Variants in AHI1 observed in about 807,000 individuals in gnomAD.
The protein encoded by AHI1 is Abelson helper integration site 1.
A neutral mutation model predicts 149.3 loss-of-function variants in AHI1; 123 were observed. That is an observed-to-expected ratio of 0.82 (90% confidence interval 0.71 to 0.96). AHI1 has a LOEUF of 0.96. AHI1 is among the 40% of genes least tolerant of loss of function. The pLI is 0.00. For synonymous variants in AHI1, 475 were observed against 459.8 expected, an observed-to-expected ratio of 1.03 and a Z score of -0.42; for missense variants, 1,439 against 1,422.7, an observed-to-expected ratio of 1.01 and a Z score of -0.18.
intron 23 of AHI1, among the ~76,000 whole-genome samples, chr6:135,393,681 T>C (rs1348867913): frequency 6.6e-6 from 1 of 152,126 alleles, no homozygotes; most frequent in Non-Finnish European, 1.5e-5. Flanking sequence ...TGACTTGAAA[T>C]TAGATTTCAA....
intron 23 of AHI1, among the ~76,000 whole-genome samples, chr6:135,389,672 TCA>T (rs949087275): frequency 5.3e-5 from 8 of 152,242 alleles, no homozygotes; most frequent in African/African-American, 1.7e-4. Context: ...ATAAAATGAT[TCA>T]TTTTCTTTTG....
intron 24 of AHI1, among the ~76,000 whole-genome samples, chr6:135,327,601 C>T (rs1418332485): frequency 1.3e-5 from 2 of 152,094 alleles, no homozygotes; most frequent in African/African-American, 4.8e-5. Flanking sequence ...GTATGTTAGG[C>T]CTTAGGGGCA....
At chr6:135,325,121 G>C (rs538715547) in intron 24 of AHI1, among the ~76,000 whole-genome samples, 1 of 152,104 alleles carries the variant, frequency 6.6e-6, no homozygotes, top group South Asian at 2.1e-4. Context: ...CCGCCACCCG[G>C]GTTCAAGCGA....
chr6:135,394,842 T>C lies in AHI1; in HGVS notation c.3043A>G (p.Lys1015Glu). The C allele has an allele frequency of 6.2e-7, 1 of 1,606,844 alleles. No individual in the cohort carries two copies. The highest frequency in any genetic ancestry group is 8.5e-7 in the Non-Finnish European group (1 of 1,176,140). Residue 1015 changes from lysine to glutamate, a missense_variant, in exon 23 of 29, where the codon AAG becomes GAG. Physicochemically the swap from Lys to Glu is moderately conservative, Grantham distance 56. Transcript: ENST00000265602. ...GTCAGCATGTTTGACTGCTTTAACT[T>C]AGACTGTTGTGAGGAAACTGCTGGT... Reference protein sequence around the residue: ...SPPAVSSQQSKLKQSNMLTAQ... With the variant: ...SPPAVSSQQSELKQSNMLTAQ...
chr6:135,389,053 G>A (rs1318148354), intron 23 of AHI1, among the ~76,000 whole-genome samples: 2 of 151,720 alleles, frequency 1.3e-5, no homozygotes, highest in African/African-American at 2.4e-5. Context: ...GCTCATACCT[G>A]TAATCCCAGC....
At chr6:135,292,386 T>G (rs1381784769) in intron 27 of AHI1, among the ~76,000 whole-genome samples, 1 of 152,192 alleles carries the variant, frequency 6.6e-6, no homozygotes, top group Non-Finnish European at 1.5e-5. Flanking sequence ...ATACAATCTA[T>G]CAAAAGGCTA....
intron 23 of AHI1, among the ~76,000 whole-genome samples, chr6:135,366,100 C>A (rs571172350): frequency 6.6e-6 from 1 of 152,272 alleles, no homozygotes; most frequent in Non-Finnish European, 1.5e-5. Context: ...AGTTGTGTAT[C>A]ACACTTATTG....
rs995207087 is a variant in AHI1 at position 135,394,806 on chromosome 6, T to A, written c.3079A>T (p.Ile1027Phe). 1 of 1,609,894 alleles carries A rather than the reference T, an allele frequency of 6.2e-7. No individual in the cohort carries two copies. Among genetic ancestry groups the A allele is most frequent in the Non-Finnish European group, 8.5e-7 (1 of 1,177,834 alleles). Residue 1027 changes from isoleucine to phenylalanine, a missense_variant, in exon 23 of 29, where the codon ATT (isoleucine) becomes TTT (phenylalanine). By Grantham distance (21) the Ile-to-Phe change is conservative. Transcript: ENST00000265602. ...TGAGTGAAACCAAACTGATGTAGAA[T>A]CTCTTGAGCGGTCAGCATGTTTGAC... ...KQSNMLTAQEILHQFGFTQTG... is the reference protein window; with the variant it reads ...KQSNMLTAQEFLHQFGFTQTG...
chr6:135,319,410 G>T (rs1307425021), intron 25 of AHI1, among the ~76,000 whole-genome samples: 6 of 152,302 alleles, frequency 3.9e-5, no homozygotes, highest in African/African-American at 1.4e-4. Flanking sequence ...GAGAGGTGGA[G>T]GTTGCAGTGA....
At chr6:135,388,035 T>G in intron 23 of AHI1, 1 of 1,613,786 alleles carries the variant, frequency 6.2e-7, no homozygotes, top group Non-Finnish European at 8.5e-7. Context: ...AGTGACTGTC[T>G]GGAAAACAAA....
chr6:135,315,901 C>T (rs564654912), intron 26 of AHI1, among the ~76,000 whole-genome samples: 272 of 152,282 alleles, frequency 1.8e-3, no homozygotes, highest in Admixed American at 4.2e-3. Context: ...TCCACACTTA[C>T]CTGTTTAGAG....
intron 27 of AHI1, among the ~76,000 whole-genome samples, chr6:135,299,915 CAAAT>C (rs553531557): frequency 1.2e-4 from 19 of 152,176 alleles, no homozygotes; most frequent in Admixed American, 7.9e-4. Context: ...AAATAGTACT[CAAAT>C]AAAAATAAAT....
intron 24 of AHI1, among the ~76,000 whole-genome samples, chr6:135,354,429 G>A (rs1792640955): frequency 1.3e-5 from 2 of 152,098 alleles, no homozygotes; most frequent in African/African-American, 4.8e-5. Context: ...CAGAAAATAT[G>A]AAAAGCTATG....
chr6:135,343,819 T>C (rs1214504015), intron 24 of AHI1, among the ~76,000 whole-genome samples: 2 of 151,432 alleles, frequency 1.3e-5, no homozygotes, highest in Non-Finnish European at 3.0e-5. Context: ...AATCTGAGAG[T>C]CAATCTTCAG....
intron 23 of AHI1, among the ~76,000 whole-genome samples, chr6:135,386,126 C>T (rs974502043): frequency 9.2e-5 from 14 of 152,064 alleles, no homozygotes; most frequent in African/African-American, 3.1e-4. Flanking sequence ...AAGCTGAATA[C>T]AACAAGTGGT....
At chr6:135,388,152 ACCT>A in intron 23 of AHI1, 15 of 1,125,044 alleles carry the variant, frequency 1.3e-5, no homozygotes, top group Non-Finnish European at 1.7e-5. Context: ...TTTGTAGATT[ACCT>A]ATTAATCTAC....
intron 24 of AHI1, among the ~76,000 whole-genome samples, chr6:135,327,870 A>C (rs1787941197): frequency 6.6e-6 from 1 of 152,208 alleles, no homozygotes; most frequent in Non-Finnish European, 1.5e-5. Context: ...GGGAGGTCAA[A>C]GAAGCTTCCC....
chr6:135,448,632 C>T (rs746821421), intron 11 of AHI1, among the ~76,000 whole-genome samples, 157 bp from the exon 12 acceptor site: 3 of 152,160 alleles, frequency 2.0e-5, no homozygotes, highest in Non-Finnish European at 4.4e-5. Context: ...GTTAGTTAAG[C>T]ACACTTCCAG....
chr6:135,304,902 G>A (rs569789686), intron 26 of AHI1: 11 of 152,148 alleles, frequency 7.2e-5, no homozygotes, highest in Non-Finnish European at 1.6e-4. Context: ...GGCAAAATAG[G>A]TGAGAACATC....
Sources: allele counts gnomAD v4.1 joint callset (sites outside exome capture counted in the v4.1 genomes callset), GRCh38; gene constraint gnomAD v4.1.1; transcripts MANE v1.5; gene names NCBI Gene and HGNC (gene_info 2026-07-23, HGNC 2026-07-21).